LNX1: variants seen among roughly 807,000 people sequenced by gnomAD.
The protein encoded by LNX1 is ligand of numb-protein X 1, also known as E3 ubiquitin-protein ligase LNX.
LNX1 carries 54 observed loss-of-function variants against 68.4 expected under a neutral mutation model. That is an observed-to-expected ratio of 0.79 (90% CI 0.63 to 0.99). The LOEUF (loss-of-function observed/expected upper bound fraction) is 0.99. Ranked by LOEUF, LNX1 falls within the 50% of genes least tolerant of loss-of-function variation. The pLI, the probability that LNX1 is intolerant of heterozygous loss-of-function variation, is 0.00. For missense variants in LNX1, 906 were observed against 926.4 expected, an observed-to-expected ratio of 0.98 and a Z score of 0.29; for synonymous variants, 336 against 350.0, an observed-to-expected ratio of 0.96 and a Z score of 0.45.
At position 53,461,539 on chromosome 4, in the gene LNX1, C is replaced by A. The variant is rs1294406348; in HGVS notation, c.1947G>T (p.Leu649=). 1 of 1,612,238 alleles carries A rather than the reference C, an allele frequency of 6.2e-7. No individual in the cohort carries two copies. Among genetic ancestry groups the A allele is most frequent in the Admixed American group, 1.7e-5 (1 of 59,862 alleles). The change falls in exon 10 of 11, where the codon CTG becomes CTT. Residue 649 remains leucine, a synonymous_variant. Transcript: ENST00000263925. ...IVLRRNTAGS[L]GFCIVGGYEE... The stretch of plus-strand genomic sequence containing the variant: ...CATAACCTCCTACAATGCAGAAGCC[C>A]AGACTTCCAGCTGTGTTTCTTCGTA...
chr4:53,614,223 C>T (rs570013468), intron 2 of LNX1, among the ~76,000 whole-genome samples: 2 of 152,034 alleles, frequency 1.3e-5, no homozygotes, highest in Non-Finnish European at 2.9e-5. Flanking sequence ...TTTGCTGTTC[C>T]ATTTGCCACC....
At chr4:53,608,925 A>G (rs1484551021) in intron 2 of LNX1, among the ~76,000 whole-genome samples, 2 of 152,170 alleles carry the variant, frequency 1.3e-5, no homozygotes, top group African/African-American at 4.8e-5. Flanking sequence ...GTGTGTACAC[A>G]AAGAAGGGAA....
intron 2 of LNX1, among the ~76,000 whole-genome samples, chr4:53,563,099 G>A (rs887836062): frequency 2.0e-5 from 3 of 152,092 alleles, no homozygotes; most frequent in African/African-American, 4.8e-5. Flanking sequence ...CCAGCTACTC[G>A]GGAGGCTGAG....
chr4:53,611,262 ATACT>A (rs1370961619), intron 2 of LNX1, among the ~76,000 whole-genome samples: 1 of 152,214 alleles, frequency 6.6e-6, no homozygotes, highest in African/African-American at 2.4e-5. Context: ...CCTCTATGAA[ATACT>A]TAGGATAACC....
rs1042898382 is a variant in LNX1 at position 53,498,576 on chromosome 4, T to C, written c.978+65A>G. 46 of 1,165,112 alleles carry C rather than the reference T, an allele frequency of 3.9e-5. No individual in the cohort carries two copies. The Middle Eastern group carries it at 5.9e-4, about 15-fold the overall frequency. The allele number at this position is 1,165,112 out of a possible 1,614,324, so 72.2% of individuals were successfully genotyped here. On this transcript the variant is annotated intron_variant, in intron 5 of 10. Coordinates refer to ENST00000263925, the MANE Select transcript of LNX1 (RefSeq NM_001126328.3). Reference sequence around the variant, plus strand: ...TCATTCATCCATCCATCTATCCAATTGTTTGCTCAGAAGCATTTTTTTATA... The same window carrying C: ...TCATTCATCCATCCATCTATCCAATCGTTTGCTCAGAAGCATTTTTTTATA...
chr4:53,489,712 T>A (rs924084113), intron 6 of LNX1, among the ~76,000 whole-genome samples: 1 of 152,138 alleles, frequency 6.6e-6, no homozygotes, highest in Non-Finnish European at 1.5e-5. Flanking sequence ...GTCACACACT[T>A]TATCAAGAAT....
rs559245128 is a variant in LNX1, at chr4:53,478,685, C to T, written c.1543G>A (p.Gly515Ser). 3.2e-5 allele frequency: 52 copies of T among 1,613,882 alleles called. No homozygotes were observed. The highest frequency in any genetic ancestry group is 1.6e-4 in the Middle Eastern group (1 of 6,084). Reference sequence around the variant, plus strand: ...GCGACGGTCATGCCGAGAGATTCACCGGGGTCTTTTTGGATATTTACCACC... The same window carrying T: ...GCGACGGTCATGCCGAGAGATTCACTGGGGTCTTTTTGGATATTTACCACC... Reference protein sequence around the residue: ...EKVVNIQKDPGESLGMTVAGG... With the variant: ...EKVVNIQKDPSESLGMTVAGG... The change falls in exon 8 of 11, where the codon GGT (glycine) becomes AGT (serine). Residue 515 changes from glycine to serine, a missense_variant. Transcript: ENST00000263925.
chr4:53,503,142 A>G (rs1414196507), intron 4 of LNX1, among the ~76,000 whole-genome samples: 1 of 152,092 alleles, frequency 6.6e-6, no homozygotes, highest in East Asian at 1.9e-4. Flanking sequence ...TCTCCACTGA[A>G]GTCTTGAACC....
chr4:53,501,682 C>G (rs932423814), intron 4 of LNX1, among the ~76,000 whole-genome samples: 1 of 152,150 alleles, frequency 6.6e-6, no homozygotes, highest in Admixed American at 6.5e-5. Flanking sequence ...AGTCCCTTTA[C>G]TGACATTAAA....
At chr4:53,558,188 C>G in intron 2 of LNX1, 1 of 1,331,920 alleles carries the variant, frequency 7.5e-7, no homozygotes, top group Non-Finnish European at 9.6e-7. Flanking sequence ...ACGCAAGGAG[C>G]CACCACGGTT....
At chr4:53,469,029 G>T (rs1722933315) in intron 9 of LNX1, among the ~76,000 whole-genome samples, 1 of 152,186 alleles carries the variant, frequency 6.6e-6, no homozygotes, top group Non-Finnish European at 1.5e-5. Flanking sequence ...TAAATCAACA[G>T]AATATACATT....
chr4:53,462,584 T>TA (rs1353236389), intron 9 of LNX1, among the ~76,000 whole-genome samples: 4 of 152,174 alleles, frequency 2.6e-5, no homozygotes, highest in Non-Finnish European at 4.4e-5. Context: ...TGTTAAATGA[T>TA]AAAGTTGATC....
intron 2 of LNX1, among the ~76,000 whole-genome samples, chr4:53,555,854 AT>A (rs753491643): frequency 6.6e-6 from 1 of 152,220 alleles, no homozygotes; most frequent in Non-Finnish European, 1.5e-5. Context: ...TTCAGCAAAA[AT>A]GTTGCCTTTG....
chr4:53,468,193 C>T (rs966045986), intron 9 of LNX1, among the ~76,000 whole-genome samples: 33 of 152,188 alleles, frequency 2.2e-4, no homozygotes, highest in African/African-American at 7.5e-4. Context: ...TATTCAACAT[C>T]CTTAAAAGAA....
chr4:53,538,586 C>T (rs1321940477), intron 2 of LNX1, among the ~76,000 whole-genome samples: 3 of 152,196 alleles, frequency 2.0e-5, no homozygotes, highest in Non-Finnish European at 4.4e-5. Flanking sequence ...AATCCACTTG[C>T]TCTGTTAGAT....
chr4:53,466,238 A>T, intron 9 of LNX1, among the ~76,000 whole-genome samples: 1 of 152,354 alleles, frequency 6.6e-6, no homozygotes, highest in African/African-American at 2.4e-5. Flanking sequence ...ATAAAAATCC[A>T]ATGAAGTTAT....
chr4:53,575,620 G>T (rs764040043), intron 1 of LNX1: 1 of 1,310,418 alleles, frequency 7.6e-7, no homozygotes. Flanking sequence ...GACCAGGCCC[G>T]CTTTTGGCTG....
intron 2 of LNX1, among the ~76,000 whole-genome samples, chr4:53,606,679 T>C (rs1417087434): frequency 1.3e-5 from 2 of 152,134 alleles, no homozygotes; most frequent in Non-Finnish European, 2.9e-5. Flanking sequence ...GCCAATATCT[T>C]TGATGAACAT....
intron 1 of LNX1, among the ~76,000 whole-genome samples, chr4:53,649,531 A>G (rs1390438007): frequency 6.6e-6 from 1 of 152,214 alleles, no homozygotes; most frequent in Non-Finnish European, 1.5e-5. Flanking sequence ...TCATCTCCAC[A>G]GCCTGCACCT....
Sources: gnomAD v4.1 joint callset for allele counts (sites outside exome capture counted in the v4.1 genomes callset) on GRCh38, gnomAD v4.1.1 for gene constraint, MANE v1.5 for transcripts, NCBI Gene and HGNC (gene_info 2026-07-23, HGNC 2026-07-21) for gene names.